SLC32A1: variants seen among roughly 807,000 people sequenced by gnomAD.
SLC32A1 encodes vesicular inhibitory amino acid transporter.
In SLC32A1, 8 loss-of-function variants were observed where a neutral mutation model predicts 35.5. The ratio of observed to expected loss-of-function variants is 0.23; its 90% CI spans 0.13 to 0.41. The LOEUF (loss-of-function observed/expected upper bound fraction) is 0.41, where lower values mean the gene tolerates loss of function less well. Among genes scored for constraint, SLC32A1 ranks in the 10% least tolerant of loss-of-function variants. The pLI, the probability that SLC32A1 is intolerant of heterozygous loss-of-function variation, is 1.00. For synonymous variants in SLC32A1, 317 were observed against 326.3 expected (o/e 0.97, Z 0.31); for missense variants, 493 against 722.3 (o/e 0.68, Z 3.64).
In SLC32A1 at chr20:38,724,666, G is replaced by C; in HGVS notation, c.-59G>C. 2 of 1,530,682 alleles carry C rather than the reference G, an allele frequency of 1.3e-6. No homozygotes were observed. Among genetic ancestry groups the C allele is most frequent in the Non-Finnish European group, 1.7e-6 (2 of 1,143,790 alleles). 94.8% of individuals were successfully genotyped at this position (1,530,682 alleles called of 1,614,324 possible). ...TGCGCCCCCCAGCCCTCGCCTTCTT[G>C]CATCGCGTTCCCCGCATCCTCGGGT... On this transcript the variant is annotated 5_prime_UTR_variant, in exon 1 of 2. Transcript: ENST00000217420.
rs761227662 is a variant in SLC32A1 at position 38,727,563 on chromosome 20, G to A, written c.502G>A (p.Ala168Thr). 6.2e-7 allele frequency: 1 copy of A among 1,610,256 alleles called. No individual in the cohort carries two copies. The part of the protein sequence containing the change: ...VCCYTGKILI[A>T]CLYEENEDGE... ...CTGCTACACCGGCAAGATCCTCATCGCGTGCCTGTACGAGGAGAATGAAGA... is the reference window on the plus strand; with the variant it reads ...CTGCTACACCGGCAAGATCCTCATCACGTGCCTGTACGAGGAGAATGAAGA... Residue 168 changes from alanine (A) to threonine (T), a missense_variant, in exon 2 of 2, where the codon GCG becomes ACG. Coordinates refer to ENST00000217420, the MANE Select transcript of SLC32A1 (RefSeq NM_080552.3).
rs1161377680 is a variant in SLC32A1 at position 38,725,121 on chromosome 20, G to T, written c.390+7G>T. On this transcript the variant is annotated splice_region_variant and intron_variant, in intron 1 of 1. Transcript: ENST00000217420. The stretch of plus-strand genomic sequence containing the variant: ...CGTGACCAACGCCATCCAGGTAAGC[G>T]CGGGATTCCCAGTTCTGCCTGTCCT... 6 of 1,507,342 alleles carry T rather than the reference G, an allele frequency of 4.0e-6. No homozygotes were observed. The highest frequency in any genetic ancestry group is 5.3e-6 in the Non-Finnish European group (6 of 1,128,548). 93.4% of individuals were successfully genotyped at this position (1,507,342 alleles called of 1,614,324 possible). A position where few individuals can be genotyped will look rare whatever the true frequency, so the allele number is the denominator to read the frequency against.
At position 38,725,121 on chromosome 20, in the gene SLC32A1, G is replaced by A; in HGVS notation, c.390+7G>A. 3.3e-6 allele frequency: 5 copies of A among 1,507,460 alleles called. No individual in the cohort carries two copies. The highest frequency in any genetic ancestry group is 4.4e-6 in the Non-Finnish European group (5 of 1,128,540). 93.4% of individuals were successfully genotyped at this position (1,507,460 alleles called of 1,614,324 possible). A position where few individuals can be genotyped will look rare whatever the true frequency, so the allele number is the denominator to read the frequency against. On this transcript the variant is annotated splice_region_variant and intron_variant, in intron 1 of 1. Coordinates refer to ENST00000217420, the MANE Select transcript of SLC32A1 (RefSeq NM_080552.3). The stretch of plus-strand genomic sequence containing the variant: ...CGTGACCAACGCCATCCAGGTAAGC[G>A]CGGGATTCCCAGTTCTGCCTGTCCT...
rs771050013 is a variant in SLC32A1, at chr20:38,728,337, G to C, written c.1276G>C (p.Gly426Arg). Residue 426 changes from glycine (G) to arginine (R), a missense_variant, in exon 2 of 2, where the codon GGG becomes CGG. Around this residue, in one of 4 missense-constraint regions of SLC32A1, gnomAD observed 269 missense variants for 445.6 expected, o/e 0.60. Coordinates refer to ENST00000217420, the MANE Select transcript of SLC32A1 (RefSeq NM_080552.3). The stretch of plus-strand genomic sequence containing the variant: ...TTTCCCGGCCTGCTACAGCGGCGAC[G>C]GGCGCCTGAAGTCCTGGGGGCTGAC... ...AFFPACYSGD[G>R]RLKSWGLTLR... 2 of 1,612,948 alleles carry C rather than the reference G, an allele frequency of 1.2e-6. No homozygotes were observed. The highest frequency in any genetic ancestry group is 1.7e-6 in the Non-Finnish European group (2 of 1,179,792).
chr20:38,726,892 C>A lies in SLC32A1; in HGVS notation c.391-560C>A, dbSNP rs769284643. ...TTCCTTTTCGCCTCACAACTGCAGCCTTTAACGTTTCCTCCTCTGGTCTGA... is the reference window on the plus strand; with the variant it reads ...TTCCTTTTCGCCTCACAACTGCAGCATTTAACGTTTCCTCCTCTGGTCTGA... On this transcript the variant is annotated intron_variant, in intron 1 of 1. Transcript: ENST00000217420. This position sits in a 1 kb window ranked among gnomAD's most constrained non-coding sequence, Gnocchi z 4.7. 7.2e-5 allele frequency among the ~76,000 whole-genome samples: 11 copies of A among 152,162 alleles called. No homozygotes were observed. Among genetic ancestry groups the A allele is most frequent in the Admixed American group, 3.9e-4 (6 of 15,290 alleles).
At chr20:38,727,338 C>T (rs2084280236) in intron 1 of SLC32A1, 114 bp from the exon 2 acceptor site, 1 of 1,005,598 alleles carries the variant, frequency 9.9e-7, no homozygotes, top group Non-Finnish European at 1.5e-6. Flanking sequence ...AGACCCAATT[C>T]TCAGTGTCCT....
In SLC32A1 at chr20:38,728,771, T is replaced by G; in HGVS notation, c.*132T>G. On this transcript the variant is annotated 3_prime_UTR_variant, in exon 2 of 2. Coordinates refer to ENST00000217420, the MANE Select transcript of SLC32A1 (RefSeq NM_080552.3). ...TTAAACATCTCTGGTTCCTAGTTTC[T>G]GATTATTCGGGGATGGGGGGGATGG... 1 of 649,910 alleles carries G rather than the reference T, an allele frequency of 1.5e-6. No individual in the cohort carries two copies. Among genetic ancestry groups the G allele is most frequent in the Non-Finnish European group, 2.5e-6 (1 of 397,112 alleles). 40.3% of individuals were successfully genotyped at this position (649,910 alleles called of 1,614,324 possible). A position where few individuals can be genotyped will look rare whatever the true frequency, so the allele number is the denominator to read the frequency against.
rs558526616 is a variant in SLC32A1 at position 38,726,424 on chromosome 20, G to A, written c.391-1028G>A. On this transcript the variant is annotated intron_variant, in intron 1 of 1. Coordinates refer to ENST00000217420, the MANE Select transcript of SLC32A1 (RefSeq NM_080552.3). The surrounding 1 kb of genome is among the most constrained non-coding windows in gnomAD (Gnocchi z 4.7). ...CCGGGGCTGCTCCCGCCTTCGCTGT[G>A]CCCCGCGACTTCCCGGGGCGTCTTT... Among the ~76,000 whole-genome samples, 1 of 152,278 alleles carries A rather than the reference G, an allele frequency of 6.6e-6. No individual in the cohort carries two copies. Among genetic ancestry groups the A allele is most frequent in the East Asian group, 1.9e-4 (1 of 5,168 alleles).
Position 38,728,565 on chromosome 20 carries a change from A to T in SLC32A1, c.1504A>T (p.Ile502Phe). The change falls in exon 2 of 2, where the codon ATC (isoleucine) becomes TTC (phenylalanine). Residue 502 changes from isoleucine (I) to phenylalanine (F), a missense_variant. By Grantham distance (21) the Ile-to-Phe change is conservative. Transcript: ENST00000217420. ...CGTCGCCATCTTCGTCATCGGCGGC[A>T]TCTGCAGCGTGTCCGGCTTCGTGCA... ...FDVAIFVIGGICSVSGFVHSL... is the reference protein window; with the variant it reads ...FDVAIFVIGGFCSVSGFVHSL... 1 of 1,613,154 alleles carries T rather than the reference A, an allele frequency of 6.2e-7. No individual in the cohort carries two copies. Among genetic ancestry groups the T allele is most frequent in the Non-Finnish European group, 8.5e-7 (1 of 1,179,890 alleles).
Position 38,724,839 on chromosome 20 carries a change from G to A in SLC32A1, c.115G>A (p.Glu39Lys), listed in dbSNP as rs2084268316. 1 of 1,613,846 alleles carries A rather than the reference G, an allele frequency of 6.2e-7. No individual in the cohort carries two copies. Among genetic ancestry groups the A allele is most frequent in the South Asian group, 1.1e-5 (1 of 91,092 alleles). ...ARMGFQAATD[E>K]EAVGFAHCDD... ...GATGGGTTTTCAGGCGGCCACGGAT[G>A]AGGAGGCGGTGGGCTTCGCGCATTG... Residue 39 changes from glutamate (E) to lysine (K), a missense_variant, in exon 1 of 2, where the codon GAG becomes AAG. Transcript: ENST00000217420.
rs908289645 is a variant in SLC32A1, at chr20:38,726,513, C to T, written c.391-939C>T. ...AGGAGGCTGGAGGCTCGTAGGCCTC[C>T]GGGACCCTGGATTTCGTTAGCTCTT... On this transcript the variant is annotated intron_variant, in intron 1 of 1. Transcript: ENST00000217420. The surrounding 1 kb of genome is among the most constrained non-coding windows in gnomAD (Gnocchi z 4.7). 3.3e-5 allele frequency among the ~76,000 whole-genome samples: 5 copies of T among 152,152 alleles called. No homozygotes were observed. Among genetic ancestry groups the T allele is most frequent in the Non-Finnish European group, 7.4e-5 (5 of 68,016 alleles).
Position 38,727,764 on chromosome 20 carries a change from G to C in SLC32A1, c.703G>C (p.Gly235Arg). Residue 235 changes from glycine (G) to arginine (R), a missense_variant, in exon 2 of 2, where the codon GGG becomes CGG. Physicochemically the swap from Gly to Arg is moderately radical, Grantham distance 125. Coordinates refer to ENST00000217420, the MANE Select transcript of SLC32A1 (RefSeq NM_080552.3). ...SGNLMYNSFP[G>R]LPVSQKSWSI... is the part of the protein sequence containing the mutation. ...CAACCTCATGTACAACAGCTTCCCG[G>C]GGCTGCCCGTGTCGCAGAAGTCCTG... 6.2e-7 allele frequency: 1 copy of C among 1,614,198 alleles called. No individual in the cohort carries two copies. Among genetic ancestry groups the C allele is most frequent in the Non-Finnish European group, 8.5e-7 (1 of 1,180,040 alleles).
In SLC32A1 at chr20:38,727,310, T is replaced by C. The variant is rs546063238; in HGVS notation, c.391-142T>C. 1.0e-4 allele frequency: 74 copies of C among 721,754 alleles called. No homozygotes were observed. The African/African-American group carries it at 1.2e-3, about 12-fold the overall frequency. The allele number at this position is 721,754 out of a possible 1,614,324, so 44.7% of individuals were successfully genotyped here. A position where few individuals can be genotyped will look rare whatever the true frequency, so the allele number is the denominator to read the frequency against. On this transcript the variant is annotated intron_variant, in intron 1 of 1. Transcript: ENST00000217420. Reference sequence around the variant, plus strand: ...TCCACCCCGCAGCCTGCTCTTAACCTCTCCTCCCCGGCGGCTCAGACCCAA... The same window carrying C: ...TCCACCCCGCAGCCTGCTCTTAACCCCTCCTCCCCGGCGGCTCAGACCCAA...
In SLC32A1 at chr20:38,724,902, A is replaced by G; in HGVS notation, c.178A>G (p.Met60Val). The G allele has an allele frequency of 6.2e-7, 1 of 1,613,938 alleles. No homozygotes were observed. Among genetic ancestry groups the G allele is most frequent in the Non-Finnish European group, 8.5e-7 (1 of 1,179,956 alleles). Residue 60 changes from methionine to valine, a missense_variant, in exon 1 of 2, where the codon ATG (methionine) becomes GTG (valine). Physicochemically the swap from Met to Val is conservative, Grantham distance 21. Around this residue, in one of 4 missense-constraint regions of SLC32A1, gnomAD observed 133 missense variants for 145.9 expected, o/e 0.91. Coordinates refer to ENST00000217420, the MANE Select transcript of SLC32A1 (RefSeq NM_080552.3). ...LDFEHRQGLQ[M>V]DILKAEGEPC... ...CTTTGAGCACCGCCAGGGCCTGCAG[A>G]TGGACATCCTGAAAGCCGAGGGAGA...
chr20:38,725,773 A>C (rs1423846826), intron 1 of SLC32A1, among the ~76,000 whole-genome samples: 1 of 152,224 alleles, frequency 6.6e-6, no homozygotes, highest in African/African-American at 2.4e-5. Flanking sequence ...GCACACACAC[A>C]TGCACAGATG....
chr20:38,727,372 G>C, intron 1 of SLC32A1, 80 bp from the exon 2 acceptor site: 1 of 1,384,176 alleles, frequency 7.2e-7, no homozygotes, highest in Non-Finnish European at 1.0e-6. Flanking sequence ...GGGCCACAGC[G>C]TTAAGCCACG....
In SLC32A1 at chr20:38,726,517, A is replaced by T. The variant is rs2084276902; in HGVS notation, c.391-935A>T. 6.6e-6 allele frequency among the ~76,000 whole-genome samples: 1 copy of T among 152,122 alleles called. No homozygotes were observed. Among genetic ancestry groups the T allele is most frequent in the Non-Finnish European group, 1.5e-5 (1 of 68,014 alleles). On this transcript the variant is annotated intron_variant, in intron 1 of 1. Transcript: ENST00000217420. The surrounding 1 kb of genome is among the most constrained non-coding windows in gnomAD (Gnocchi z 4.7). ...GGCTGGAGGCTCGTAGGCCTCCGGG[A>T]CCCTGGATTTCGTTAGCTCTTAGTC...
rs1210498711 is a variant in SLC32A1, at chr20:38,724,582, G to A, written c.-143G>A. On this transcript the variant is annotated 5_prime_UTR_variant, in exon 1 of 2. Transcript: ENST00000217420. ...AGAGAGCCTCGAACGCCAGCTGCGA[G>A]GGTCATGAGCCAGAGAGCCCCGGGG... 9.8e-7 allele frequency: 1 copy of A among 1,024,958 alleles called. No individual in the cohort carries two copies. Among genetic ancestry groups the A allele is most frequent in the Non-Finnish European group, 1.4e-6 (1 of 725,248 alleles). The allele number at this position is 1,024,958 out of a possible 1,614,324, so 63.5% of individuals were successfully genotyped here.
chr20:38,725,012 C>T lies in SLC32A1; in HGVS notation c.288C>T (p.Ser96=), dbSNP rs995309833. The T allele has an allele frequency of 1.3e-6, 2 of 1,568,752 alleles. No homozygotes were observed. The highest frequency in any genetic ancestry group is 1.7e-4 in the Middle Eastern group (1 of 5,848). ...GCAGCGGAGCTCCTCTGCCGCCCTC[C>T]GGCTCCAAGGACCAGGTGGGAGGTG... The part of the protein sequence containing the change: ...QRGSGAPLPP[S]GSKDQVGGGG... The change falls in exon 1 of 2, where the codon TCC becomes TCT. Residue 96 remains serine (S), a synonymous_variant. Transcript: ENST00000217420.
Sources: gnomAD v4.1 joint callset for allele counts (sites outside exome capture counted in the v4.1 genomes callset) on GRCh38, gnomAD v4.1.1 for gene constraint, gnomAD v4.1.1 regional missense constraint, Gnocchi (gnomAD v3.1) non-coding constraint, MANE v1.5 for transcripts, NCBI Gene and HGNC (gene_info 2026-07-23, HGNC 2026-07-21) for gene names.